MACO1: variants seen among roughly 807,000 people sequenced by gnomAD.
MACO1 encodes macoilin.
A neutral mutation model predicts 78.7 loss-of-function variants in MACO1; 14 were observed. That is an observed-to-expected ratio of 0.18 (90% CI 0.12 to 0.28). The LOEUF is 0.28. Among genes scored for constraint, MACO1 ranks in the 10% least tolerant of loss-of-function variants. The probability of loss-of-function intolerance (pLI) is 1.00; values close to 1 mark genes in which losing one functional copy is unlikely to be tolerated. For missense variants in MACO1, 501 were observed against 799.0 expected (o/e 0.63, Z 4.50); for synonymous variants, 288 against 291.6 (o/e 0.99, Z 0.12).
intron 10 of MACO1, among the ~76,000 whole-genome samples, chr1:25,495,791 G>A (rs893324932): frequency 2.6e-5 from 4 of 151,980 alleles, no homozygotes; most frequent in South Asian, 2.1e-4. Flanking sequence ...GTGAAACCCC[G>A]TCTCTACTAA....
At chr1:25,479,344 A>G (rs1375217017) in intron 6 of MACO1, among the ~76,000 whole-genome samples, 3 of 152,324 alleles carry the variant, frequency 2.0e-5, no homozygotes, top group African/African-American at 7.2e-5. Context: ...CCATTAAGAC[A>G]AATAGTAGTT....
chr1:25,474,598 T>A (rs2043303440), intron 6 of MACO1, among the ~76,000 whole-genome samples: 1 of 152,182 alleles, frequency 6.6e-6, no homozygotes, highest in Non-Finnish European at 1.5e-5. Flanking sequence ...CTGTGAGGCT[T>A]TCATACCGCT....
chr1:25,447,302 G>A (rs1226761439), intron 2 of MACO1, among the ~76,000 whole-genome samples: 1 of 152,074 alleles, frequency 6.6e-6, no homozygotes, highest in Non-Finnish European at 1.5e-5. Context: ...TTAGAGTAGT[G>A]TTTCAAACGT....
At chr1:25,439,692 A>C (rs913668504) in intron 1 of MACO1, among the ~76,000 whole-genome samples, 1 of 151,490 alleles carries the variant, frequency 6.6e-6, no homozygotes, top group Non-Finnish European at 1.5e-5. Flanking sequence ...TTTGTCAAAA[A>C]ATTTTTTTGT....
intron 10 of MACO1, among the ~76,000 whole-genome samples, chr1:25,497,394 A>AG (rs1553167607): frequency 1.3e-5 from 2 of 151,620 alleles, no homozygotes; most frequent in Admixed American, 1.3e-4. Context: ...AAAAAAAAAA[A>AG]AGAATTTAGG....
intron 3 of MACO1, among the ~76,000 whole-genome samples, chr1:25,451,147 G>A (rs939043697): frequency 1.3e-5 from 2 of 152,186 alleles, no homozygotes; most frequent in Admixed American, 6.5e-5. Flanking sequence ...AATTTGGGAT[G>A]ACTAGTGCTT....
At chr1:25,447,289 G>C (rs1490422438) in intron 2 of MACO1, among the ~76,000 whole-genome samples, 2 of 152,098 alleles carry the variant, frequency 1.3e-5, no homozygotes, top group Non-Finnish European at 2.9e-5. Context: ...GATTGGATTG[G>C]AGTTAGAGTA....
chr1:25,499,294 C>G lies in MACO1; in HGVS notation c.*828C>G, dbSNP rs532049056. The G allele has an allele frequency of 1.2e-4, 18 of 152,308 alleles. No homozygotes were observed. Among genetic ancestry groups the G allele is most frequent in the African/African-American group, 4.3e-4 (18 of 41,554 alleles). The allele number at this position is 152,308 out of a possible 1,614,324, so 9.4% of individuals were successfully genotyped here. A position where few individuals can be genotyped will look rare whatever the true frequency, so the allele number is the denominator to read the frequency against. On this transcript the variant is annotated 3_prime_UTR_variant, in exon 11 of 11. Transcript: ENST00000374343. ...TGGTGGGTAGCTGGGCTGTCCGTTA[C>G]CACCACAGCTACATCTTCTGTTTCT... is the stretch of plus-strand genomic sequence containing the variant.
At chr1:25,433,268 T>G (rs2042891291) in intron 1 of MACO1, among the ~76,000 whole-genome samples, 1 of 149,386 alleles carries the variant, frequency 6.7e-6, no homozygotes, top group Non-Finnish European at 1.5e-5. Flanking sequence ...AGAACAAGAT[T>G]TTTTTTTTTT....
chr1:25,482,714 G>A (rs1264932349), intron 6 of MACO1, among the ~76,000 whole-genome samples: 1 of 152,182 alleles, frequency 6.6e-6, no homozygotes. Flanking sequence ...GCCTAATGGT[G>A]AAGAGAATGG....
intron 6 of MACO1, among the ~76,000 whole-genome samples, chr1:25,470,748 G>T (rs1294489742): frequency 1.3e-5 from 2 of 152,190 alleles, no homozygotes; most frequent in Non-Finnish European, 2.9e-5. Flanking sequence ...ATGGGTAGGG[G>T]CCGGGCTCAG....
Position 25,456,591 on chromosome 1 carries a change from G to T in MACO1, c.474-62G>T, listed in dbSNP as rs1410419023. ...TTTTAAGCCATAGGTATTCTCATGT[G>T]CTTGAGGCACATGTGGTTCATTTTA... On this transcript the variant is annotated intron_variant, in intron 4 of 10. Coordinates refer to ENST00000374343, the MANE Select transcript of MACO1 (RefSeq NM_018202.6). The T allele has an allele frequency of 1.9e-5, 30 of 1,544,830 alleles. No homozygotes were observed. The East Asian group carries it at 6.6e-4, about 34-fold the overall frequency.
At chr1:25,465,982 T>C (rs558579756) in intron 6 of MACO1, among the ~76,000 whole-genome samples, 1 of 152,388 alleles carries the variant, frequency 6.6e-6, no homozygotes, top group Admixed American at 6.5e-5. Context: ...ATTGTGTATG[T>C]ATACCACATT....
chr1:25,445,269 A>G (rs1284964946), intron 1 of MACO1, among the ~76,000 whole-genome samples: 1 of 151,364 alleles, frequency 6.6e-6, no homozygotes, highest in Non-Finnish European at 1.5e-5. Flanking sequence ...ATTGCACTCC[A>G]TCCTGGGAGA....
At chr1:25,439,930 A>G (rs1186578199) in intron 1 of MACO1, among the ~76,000 whole-genome samples, 1 of 151,770 alleles carries the variant, frequency 6.6e-6, no homozygotes, top group Admixed American at 6.6e-5. Flanking sequence ...AGGCAGGAGA[A>G]TCACTTGAAC....
chr1:25,457,112 T>C (rs1052059576), intron 5 of MACO1, among the ~76,000 whole-genome samples: 1 of 151,836 alleles, frequency 6.6e-6, no homozygotes. Context: ...TTAAATTTAG[T>C]TTTTTGAGAC....
chr1:25,493,978 G>A (rs1053510494), intron 10 of MACO1, among the ~76,000 whole-genome samples: 2 of 152,008 alleles, frequency 1.3e-5, no homozygotes, highest in South Asian at 2.1e-4. Flanking sequence ...TGATCCACCC[G>A]CCTCGGCCTC....
chr1:25,483,445 T>C (rs1355539525), intron 6 of MACO1, among the ~76,000 whole-genome samples: 1 of 152,136 alleles, frequency 6.6e-6, no homozygotes, highest in Non-Finnish European at 1.5e-5. Context: ...GTAAAGAAAA[T>C]AGATGGAACA....
rs913166464 is a variant in MACO1 at position 25,444,957 on chromosome 1, C to T, written c.81-1805C>T. Among the ~76,000 whole-genome samples the T allele has an allele frequency of 2.0e-5, 3 of 152,060 alleles. No homozygotes were observed. The East Asian group carries it at 5.8e-4, about 29-fold the overall frequency. On this transcript the variant is annotated intron_variant, in intron 1 of 10. Coordinates refer to ENST00000374343, the MANE Select transcript of MACO1 (RefSeq NM_018202.6). ...TGAGTGAGAATTACGAGGGCTCTAT[C>T]TTCATCTGGCCAGCAGAACTCTAGT...
Sources: gnomAD v4.1 joint callset for allele counts (sites outside exome capture counted in the v4.1 genomes callset) on GRCh38, gnomAD v4.1.1 for gene constraint, MANE v1.5 for transcripts, NCBI Gene and HGNC (gene_info 2026-07-23, HGNC 2026-07-21) for gene names.